The following ZNF75D variants were observed in gnomAD, a reference collection of about 807,000 sequenced individuals.
The protein encoded by ZNF75D is zinc finger protein 75.
ZNF75D carries 33 observed loss-of-function variants against 33.3 expected under a neutral mutation model. The ratio of observed to expected loss-of-function variants is 0.99; its 90% CI spans 0.75 to 1.32. ZNF75D has a LOEUF of 1.32. Among genes scored for constraint, ZNF75D ranks in the 40% most tolerant of loss-of-function variants. ZNF75D has a pLI of 0.00. For missense variants in ZNF75D, 338 were observed against 367.5 expected (o/e 0.92, Z 0.66); for synonymous variants, 113 against 130.6 (o/e 0.87, Z 0.92).
At chrX:135,265,078 G>A (rs1343593913) in intron 1 of ZNF75D, among the ~76,000 whole-genome samples, 2 of 111,123 alleles carry the variant, frequency 1.8e-5, no homozygotes, top group Non-Finnish European at 3.8e-5. Flanking sequence ...AATTAGCCAG[G>A]TGTGGTGGCA....
chrX:135,275,342 T>C (rs1556417458), intron 1 of ZNF75D, among the ~76,000 whole-genome samples: 1 of 112,443 alleles, frequency 8.9e-6, no homozygotes, highest in East Asian at 2.8e-4. Context: ...CTATGTTTAC[T>C]GTTTTGCATG....
Position 135,292,442 on chromosome X carries a change from A to G in ZNF75D, c.443T>C (p.Val148Ala), listed in dbSNP as rs377694981. Residue 148 changes from valine (V) to alanine (A), a missense_variant, in exon 4 of 7, where the codon GTG (valine) becomes GCG (alanine). By Grantham distance (64) the Val-to-Ala change is moderately conservative. This residue lies in a region of ZNF75D where 254 missense variants were observed against 267.7 expected (regional missense o/e 0.95). Coordinates refer to ENST00000370766, the MANE Select transcript of ZNF75D (RefSeq NM_007131.5). Reference sequence around the variant, plus strand: ...GGCCACTGCTGTTCCTCCCAAGAGCACTGCCTCCTTTCCCAGCTCATGGGC... The same window carrying G: ...GGCCACTGCTGTTCCTCCCAAGAGCGCTGCCTCCTTTCCCAGCTCATGGGC... Reference protein sequence around the residue: ...VTAHELGKEAVLLGGTAVAPG... With the variant: ...VTAHELGKEAALLGGTAVAPG... 2.1e-5 allele frequency: 25 copies of G among 1,209,679 alleles called. No individual in the cohort carries two copies. The highest frequency in any genetic ancestry group is 2.5e-5 in the Non-Finnish European group (22 of 895,083).
chrX:135,318,567 C>T (rs1556432738), intron 1 of ZNF75D, among the ~76,000 whole-genome samples: 1 of 111,715 alleles, frequency 9.0e-6, no homozygotes, highest in Non-Finnish European at 1.9e-5. Flanking sequence ...CGGTTTGCAG[C>T]TTTGTGACTG....
At chrX:135,305,868 G>A (rs1224103734) in intron 1 of ZNF75D, among the ~76,000 whole-genome samples, 1 of 111,584 alleles carries the variant, frequency 9.0e-6, no homozygotes, top group Non-Finnish European at 1.9e-5. Flanking sequence ...GAAACCATGT[G>A]AACAAAAGGC....
At position 135,292,210 on chromosome X, in the gene ZNF75D, C is replaced by G. The variant is rs183824199; in HGVS notation, c.604+71G>C. ...GCATGGCTGGCCACCTGGAAAATTCCCAGGACATTCTAGGTGAACTAATTA... is the reference window on the plus strand; with the variant it reads ...GCATGGCTGGCCACCTGGAAAATTCGCAGGACATTCTAGGTGAACTAATTA... On this transcript the variant is annotated intron_variant, in intron 4 of 6. Transcript: ENST00000370766. 41 of 1,073,656 alleles carry G rather than the reference C, an allele frequency of 3.8e-5. No individual in the cohort carries two copies. The African/African-American group carries it at 6.8e-4, about 18-fold the overall frequency. The allele number at this position is 1,073,656 out of a possible 1,213,427, so 88.5% of individuals were successfully genotyped here. A position where few individuals can be genotyped will look rare whatever the true frequency, so the allele number is the denominator to read the frequency against.
At chrX:135,297,654 T>A (rs189127449) in intron 1 of ZNF75D, 2 of 112,687 alleles carry the variant, frequency 1.8e-5, no homozygotes, top group East Asian at 5.6e-4. Flanking sequence ...ATATTGTAAT[T>A]TTGAATAAGG....
At chrX:135,277,131 C>T (rs782331136) in intron 1 of ZNF75D, among the ~76,000 whole-genome samples, 13 of 112,502 alleles carry the variant, frequency 1.2e-4, no homozygotes, top group African/African-American at 4.2e-4. Context: ...ATTCCTATTT[C>T]TCCATATCCT....
At chrX:135,283,702 G>T (rs1425637237), downstream of ZNF75D, among the ~76,000 whole-genome samples, 2 of 111,981 alleles carry the variant, frequency 1.8e-5, no homozygotes, top group African/African-American at 6.5e-5. Flanking sequence ...GTGGCAAAGT[G>T]GCAGGAGCAG....
intron 1 of ZNF75D, among the ~76,000 whole-genome samples, chrX:135,306,288 T>TACACAC (rs57049630): frequency 0.016 from 1,351 of 83,178 alleles, 23 homozygotes; most frequent in African/African-American, 0.038. Context: ...CAGAGATACA[T>TACACAC]ACACACACAC....
intron 1 of ZNF75D, among the ~76,000 whole-genome samples, chrX:135,299,846 G>A (rs1157876777): frequency 8.9e-6 from 1 of 111,960 alleles, no homozygotes; most frequent in Non-Finnish European, 1.9e-5. Flanking sequence ...ATATTCAGTT[G>A]ACCTAGCATA....
intron 1 of ZNF75D, among the ~76,000 whole-genome samples, chrX:135,276,203 T>G (rs962171472): frequency 8.9e-6 from 1 of 112,197 alleles, no homozygotes; most frequent in Non-Finnish European, 1.9e-5. Flanking sequence ...CTTCCTTATT[T>G]TGAAATTACT....
Position 135,249,591 on chromosome X carries a change from C to T in ZNF75D, n.1297-290G>A, listed in dbSNP as rs1266051013. The stretch of plus-strand genomic sequence containing the variant: ...TTTGAGTCCAGAATGACAAGCCACC[C>T]CTCTTGCATAATCCTTCACATTTTT... On this transcript the variant is annotated intron_variant and non_coding_transcript_variant, in intron 3 of 3. Coordinates refer to the ZNF75D transcript ENST00000494295. Among the ~76,000 whole-genome samples the T allele has an allele frequency of 4.6e-5, 5 of 108,001 alleles. 1 individual carries two copies. The highest frequency in any genetic ancestry group is 9.7e-5 in the Non-Finnish European group (5 of 51,612). The allele number at this position is 108,001 out of a possible 115,157, so 93.8% of individuals were successfully genotyped here. A position where few individuals can be genotyped will look rare whatever the true frequency, so the allele number is the denominator to read the frequency against.
chrX:135,332,034 C>T (rs2084658134), intron 1 of ZNF75D, among the ~76,000 whole-genome samples: 1 of 111,015 alleles, frequency 9.0e-6, no homozygotes, highest in Non-Finnish European at 1.9e-5. Context: ...CCTGGACACT[C>T]CTGCATCGGT....
chrX:135,302,362 A>G (rs1225957914), intron 1 of ZNF75D, among the ~76,000 whole-genome samples: 3 of 112,150 alleles, frequency 2.7e-5, no homozygotes, highest in Admixed American at 9.4e-5. Context: ...TGTCCAATAA[A>G]AGCTGTAGTT....
chrX:135,261,999 A>G (rs1372924338), intron 1 of ZNF75D, among the ~76,000 whole-genome samples: 1 of 111,497 alleles, frequency 9.0e-6, no homozygotes, highest in Non-Finnish European at 1.9e-5. Context: ...TGGTGACAAA[A>G]TCTCTCAGTA....
intron 1 of ZNF75D, among the ~76,000 whole-genome samples, chrX:135,306,288 TACACACACACACACACACACACAC>T (rs57049630): frequency 2.4e-5 from 2 of 83,246 alleles, no homozygotes; most frequent in African/African-American, 9.4e-5. Context: ...CAGAGATACA[TACACACACACACACACACACACAC>T]ACACACACAC....
Position 135,293,929 on chromosome X carries a change from T to C in ZNF75D, c.212A>G (p.Gln71Arg), listed in dbSNP as rs1556422005. The part of the protein sequence containing the change: ...TGPLETISQL[Q>R]KLCHQWLRPE... ...CCTCAGCCACTGATGGCACAATTTCTGAAGTTGGCTGATAGTCTCAAGCGG... is the reference window on the plus strand; with the variant it reads ...CCTCAGCCACTGATGGCACAATTTCCGAAGTTGGCTGATAGTCTCAAGCGG... Residue 71 changes from glutamine to arginine, a missense_variant, in exon 3 of 7, where the codon CAG becomes CGG. Physicochemically the swap from Gln to Arg is conservative, Grantham distance 43 (BLOSUM62 1). Transcript: ENST00000370766. 1.7e-6 allele frequency: 2 copies of C among 1,211,330 alleles called. No homozygotes were observed.
At chrX:135,280,808 T>C (rs2083917390), downstream of ZNF75D, among the ~76,000 whole-genome samples, 3 of 111,923 alleles carry the variant, frequency 2.7e-5, no homozygotes, top group Admixed American at 1.9e-4. Context: ...GAATGTTGAA[T>C]ATTGGCCCCC....
intron 1 of ZNF75D, among the ~76,000 whole-genome samples, chrX:135,277,250 CT>C (rs1443243598): frequency 8.9e-6 from 1 of 112,255 alleles, no homozygotes; most frequent in Admixed American, 9.4e-5. Context: ...TGATGATGAA[CT>C]TTTTTTTAAT....
Sources: allele counts gnomAD v4.1 joint callset (sites outside exome capture counted in the v4.1 genomes callset), GRCh38; gene constraint gnomAD v4.1.1; regional missense constraint gnomAD v4.1.1; transcripts MANE v1.5; gene names NCBI Gene and HGNC (gene_info 2026-07-23, HGNC 2026-07-21).